The following SGCD variants were observed in gnomAD, a reference collection of about 807,000 sequenced individuals.
The protein encoded by SGCD is sarcoglycan delta.
Under a neutral mutation model 36.6 loss-of-function variants are expected in SGCD, and 18 were observed. The observed-to-expected ratio is 0.49, with a 90% confidence interval of 0.34 to 0.73. The LOEUF is 0.73. Ranked by LOEUF, SGCD falls within the 30% of genes least tolerant of loss-of-function variation. SGCD has a pLI of 0.01. For synonymous variants in SGCD, 133 were observed against 130.6 expected, an observed-to-expected ratio of 1.02 and a Z score of -0.12; for missense variants, 387 against 346.7, an observed-to-expected ratio of 1.12 and a Z score of -0.92.
At chr5:156,271,203 A>G (rs1328989720) in intron 3 of SGCD, among the ~76,000 whole-genome samples, 2 of 152,198 alleles carry the variant, frequency 1.3e-5, no homozygotes, top group Admixed American at 1.3e-4. Flanking sequence ...TTTGGAGAAT[A>G]TCAAGGGTGG....
intron 1 of SGCD, among the ~76,000 whole-genome samples, chr5:156,056,645 T>TGAAAAAAAA (rs1760065775): frequency 1.5e-5 from 1 of 68,264 alleles, no homozygotes; most frequent in Non-Finnish European, 2.6e-5. Flanking sequence ...AAATTATCCT[T>TGAAAAAAAA]AAAAAAAAAA....
Position 156,164,210 on chromosome 5 carries a change from G to A in SGCD, c.-44+40191G>A, listed in dbSNP as rs1210333033. On this transcript the variant is annotated intron_variant, in intron 3 of 9. Coordinates refer to the SGCD transcript ENST00000517913. ...CATAGTCACCCATAAATGTAAATGT[G>A]TGTGTATTTGAGCAGAGAATGGGAC... Among the ~76,000 whole-genome samples the A allele has an allele frequency of 2.6e-5, 4 of 151,538 alleles. No homozygotes were observed. In the South Asian group the frequency reaches 6.2e-4, roughly 24 times the overall value.
At chr5:155,746,978 C>T in the SGCD span, among the ~76,000 whole-genome samples, 54 of 152,232 alleles carry the variant, frequency 3.5e-4, no homozygotes, top group African/African-American at 1.3e-3. Context: ...CCTTTCTGCT[C>T]ATATCCAGCA....
rs140672340 is a variant in SGCD at position 155,927,280 on chromosome 5, G to T, written c.-282+56856G>T. ...TTAGTTATTGTGAGCTATTACCTGTGTTACAGTGCAGAAAGCTGAAATGCA... is the reference window on the plus strand; with the variant it reads ...TTAGTTATTGTGAGCTATTACCTGTTTTACAGTGCAGAAAGCTGAAATGCA... On this transcript the variant is annotated intron_variant, in intron 1 of 9. Transcript: ENST00000517913. 2.0e-4 allele frequency among the ~76,000 whole-genome samples: 31 copies of T among 152,298 alleles called. No individual in the cohort carries two copies. The East Asian group carries it at 6.0e-3, about 29-fold the overall frequency.
chr5:155,914,554 A>G (rs962719261), intron 1 of SGCD, among the ~76,000 whole-genome samples: 2 of 152,180 alleles, frequency 1.3e-5, no homozygotes, highest in African/African-American at 4.8e-5. Flanking sequence ...ATCCTTGATC[A>G]CAGGCAATAA....
chr5:155,843,429 C>G, the SGCD span, among the ~76,000 whole-genome samples: 11 of 152,052 alleles, frequency 7.2e-5, no homozygotes, highest in Non-Finnish European at 1.6e-4. Context: ...CACACTGATA[C>G]TCACGCTGAG....
intron 1 of SGCD, among the ~76,000 whole-genome samples, chr5:155,903,601 T>C (rs1434937415): frequency 6.6e-6 from 1 of 152,128 alleles, no homozygotes; most frequent in African/African-American, 2.4e-5. Context: ...GGACTCTGAC[T>C]GGCATGGACA....
upstream of SGCD, among the ~76,000 whole-genome samples, chr5:155,868,121 G>C (rs555027036): frequency 9.2e-5 from 14 of 151,916 alleles, no homozygotes; most frequent in Admixed American, 7.2e-4. Flanking sequence ...GTGCGATCAT[G>C]ACTCACTACA....
intron 1 of SGCD, among the ~76,000 whole-genome samples, chr5:156,072,051 TAC>T (rs1326158165): frequency 1.3e-5 from 2 of 152,212 alleles, no homozygotes; most frequent in African/African-American, 4.8e-5. Context: ...GTTTCCTCAA[TAC>T]AGCACACTGA....
intron 1 of SGCD, among the ~76,000 whole-genome samples, chr5:156,061,868 C>A (rs1760216997): frequency 7.2e-6 from 1 of 138,500 alleles, no homozygotes; most frequent in East Asian, 2.0e-4. Flanking sequence ...ATAATTCAGT[C>A]ATTGAGATTG....
At chr5:156,684,591 G>T (rs1199230511) in intron 7 of SGCD, among the ~76,000 whole-genome samples, 2 of 152,144 alleles carry the variant, frequency 1.3e-5, no homozygotes, top group Non-Finnish European at 2.9e-5. Flanking sequence ...AGGCTTCTGT[G>T]AACCCCCAAA....
At chr5:156,673,968 T>A (rs1380287521) in intron 7 of SGCD, among the ~76,000 whole-genome samples, 1 of 152,218 alleles carries the variant, frequency 6.6e-6, no homozygotes, top group Non-Finnish European at 1.5e-5. Flanking sequence ...TGTATGGTTC[T>A]CCCTCTGGCC....
the SGCD span, among the ~76,000 whole-genome samples, chr5:155,833,936 C>G: frequency 6.6e-6 from 1 of 152,192 alleles, no homozygotes; most frequent in Admixed American, 6.5e-5. Context: ...AACTTGTTTT[C>G]TTAGAGACCC....
At chr5:156,479,326 C>T (rs1399922674) in intron 3 of SGCD, among the ~76,000 whole-genome samples, 2 of 152,010 alleles carry the variant, frequency 1.3e-5, no homozygotes, top group African/African-American at 4.8e-5. Context: ...GAACTCCTGA[C>T]CTCAAGTGAT....
chr5:156,250,585 G>GA (rs950477497), intron 3 of SGCD, among the ~76,000 whole-genome samples: 1 of 151,264 alleles, frequency 6.6e-6, no homozygotes, highest in Non-Finnish European at 1.5e-5. Flanking sequence ...AAAAGATAAA[G>GA]AAAAAAAAGG....
intron 6 of SGCD, among the ~76,000 whole-genome samples, chr5:156,642,137 T>G (rs1169228761): frequency 6.6e-6 from 1 of 152,206 alleles, no homozygotes; most frequent in East Asian, 1.9e-4. Flanking sequence ...TCTTTTTCTC[T>G]TCTTCTGAGG....
chr5:156,414,820 G>T (rs1772942274), intron 3 of SGCD, among the ~76,000 whole-genome samples: 1 of 152,138 alleles, frequency 6.6e-6, no homozygotes, highest in African/African-American at 2.4e-5. Context: ...ATAACAAAGT[G>T]ATTTTTCTAG....
intron 3 of SGCD, among the ~76,000 whole-genome samples, chr5:156,469,458 T>C (rs1754862548): frequency 6.6e-6 from 1 of 152,220 alleles, no homozygotes; most frequent in South Asian, 2.1e-4. Flanking sequence ...TAGTAATATA[T>C]TTTAGCAAGA....
chr5:156,373,289 C>G (rs1370300475), intron 3 of SGCD, among the ~76,000 whole-genome samples: 1 of 152,120 alleles, frequency 6.6e-6, no homozygotes, highest in Non-Finnish European at 1.5e-5. Context: ...TTTTGCTGGA[C>G]TTTTCAAGAA....
Sources: allele counts gnomAD v4.1 joint callset (sites outside exome capture counted in the v4.1 genomes callset), GRCh38; gene constraint gnomAD v4.1.1; transcripts MANE v1.5; gene names NCBI Gene and HGNC (gene_info 2026-07-23, HGNC 2026-07-21).